Variants in P2RX7 observed in about 807,000 individuals in gnomAD.
The protein encoded by P2RX7 is purinergic receptor P2X 7.
Under a neutral mutation model 71.6 loss-of-function variants are expected in P2RX7, and 62 were observed. That is an observed-to-expected ratio of 0.87 (90% CI 0.71 to 1.07). The LOEUF (loss-of-function observed/expected upper bound fraction) is 1.07, where lower values mean the gene tolerates loss of function less well. Among genes scored for constraint, P2RX7 ranks in the 50% least tolerant of loss-of-function variants. The pLI is 0.00. For synonymous variants in P2RX7, 299 were observed against 283.3 expected (o/e 1.06, Z -0.56); for missense variants, 686 against 748.5 (o/e 0.92, Z 0.97).
chr12:121,180,480 T>G (rs927361718), intron 12 of P2RX7, 25 bp downstream of exon 12: 1 of 1,305,840 alleles, frequency 7.7e-7, no homozygotes, highest in Non-Finnish European at 1.1e-6. Flanking sequence ...TTTGTCTTTT[T>G]TTTTTTTTTA....
At chr12:121,157,856 T>C (rs1424013070) in intron 3 of P2RX7, among the ~76,000 whole-genome samples, 1 of 152,080 alleles carries the variant, frequency 6.6e-6, no homozygotes, top group African/African-American at 2.4e-5. Flanking sequence ...AACAAATGAG[T>C]GAATACCTGT....
chr12:121,157,922 T>G (rs563744372), intron 3 of P2RX7, among the ~76,000 whole-genome samples: 2 of 152,330 alleles, frequency 1.3e-5, no homozygotes, highest in Admixed American at 1.3e-4. Flanking sequence ...TGTCAGTTGT[T>G]ATGATTCAAA....
intron 3 of P2RX7, among the ~76,000 whole-genome samples, chr12:121,160,656 A>G (rs1258515819): frequency 7.2e-5 from 11 of 152,158 alleles, no homozygotes; most frequent in Non-Finnish European, 1.5e-5. Flanking sequence ...AGGTCCATCC[A>G]TGTTGTAGCC....
chr12:121,184,704 G>A lies in P2RX7; in HGVS notation c.1690G>A (p.Ala564Thr). The A allele has an allele frequency of 6.4e-7, 1 of 1,566,924 alleles. No homozygotes were observed. Residue 564 changes from alanine (A) to threonine (T), a missense_variant, in exon 13 of 13, where the codon GCT (alanine) becomes ACT (threonine). By Grantham distance (58) the Ala-to-Thr change is moderately conservative. Coordinates refer to ENST00000328963, the MANE Select transcript of P2RX7 (RefSeq NM_002562.6). ...ATWRFGSQDM[A>T]DFAILPSCCR... Reference sequence around the variant, plus strand: ...CTGGCGCTTCGGCTCCCAGGACATGGCTGACTTTGCCATCCTGCCCAGCTG... The same window carrying A: ...CTGGCGCTTCGGCTCCCAGGACATGACTGACTTTGCCATCCTGCCCAGCTG...
chr12:121,138,224 T>C (rs572635960), intron 1 of P2RX7, among the ~76,000 whole-genome samples: 2 of 152,370 alleles, frequency 1.3e-5, no homozygotes, highest in African/African-American at 4.8e-5. Flanking sequence ...GAGTTCAAAC[T>C]GTGTCATCAG....
chr12:121,159,085 T>C (rs779756611), intron 3 of P2RX7, among the ~76,000 whole-genome samples: 3 of 152,188 alleles, frequency 2.0e-5, no homozygotes, highest in Non-Finnish European at 4.4e-5. Context: ...GCTAAACCCT[T>C]TCTTTTCATA....
rs1878204299 is a variant in P2RX7 at position 121,154,725 on chromosome 12, C to T, written c.126-60C>T. The T allele has an allele frequency of 8.9e-7, 1 of 1,125,120 alleles. No individual in the cohort carries two copies. Among genetic ancestry groups the T allele is most frequent in the African/African-American group, 1.5e-5 (1 of 65,570 alleles). The allele number at this position is 1,125,120 out of a possible 1,614,324, so 69.7% of individuals were successfully genotyped here. On this transcript the variant is annotated intron_variant, in intron 1 of 12. Coordinates refer to ENST00000328963, the MANE Select transcript of P2RX7 (RefSeq NM_002562.6). The surrounding 1 kb of genome is among the most constrained non-coding windows in gnomAD (Gnocchi z 4.2). ...CAGAAGTGCCTGCATCCTCCAACGCCTGCATCCCAACCCGCTGTGCTATGC... is the reference window on the plus strand; with the variant it reads ...CAGAAGTGCCTGCATCCTCCAACGCTTGCATCCCAACCCGCTGTGCTATGC...
intron 1 of P2RX7, among the ~76,000 whole-genome samples, chr12:121,136,023 AATAT>A (rs1555222078): frequency 1.3e-4 from 2 of 15,256 alleles, no homozygotes; most frequent in East Asian, 3.9e-3. Flanking sequence ...AAAAAAAAAA[AATAT>A]ATATATATAT....
chr12:121,167,271 G>C (rs503720), intron 7 of P2RX7, among the ~76,000 whole-genome samples: 1 of 151,740 alleles, frequency 6.6e-6, no homozygotes, highest in Non-Finnish European at 1.5e-5. Context: ...TGAGTTTAAC[G>C]GTGATGTGTC....
At chr12:121,138,291 G>A (rs1423209816) in intron 1 of P2RX7, among the ~76,000 whole-genome samples, 1 of 152,188 alleles carries the variant, frequency 6.6e-6, no homozygotes, top group African/African-American at 2.4e-5. Context: ...CTTCCTTCTT[G>A]AACAACTCTG....
intron 3 of P2RX7, among the ~76,000 whole-genome samples, chr12:121,160,372 C>A (rs1459618385): frequency 6.6e-6 from 1 of 152,176 alleles, no homozygotes; most frequent in Middle Eastern, 3.2e-3. Flanking sequence ...GTCTCAGACT[C>A]CTGACCTCAG....
chr12:121,150,012 T>A (rs1162504137), intron 1 of P2RX7, among the ~76,000 whole-genome samples: 1 of 152,150 alleles, frequency 6.6e-6, no homozygotes, highest in East Asian at 1.9e-4. Flanking sequence ...TGGGGAAGGC[T>A]GGGAGTTCTC....
At chr12:121,155,314 C>T in intron 2 of P2RX7, 1 of 1,308,882 alleles carries the variant, frequency 7.6e-7, no homozygotes, top group Non-Finnish European at 1.0e-6. Context: ...CAAAGAGCAC[C>T]AGCCCTTCTA....
In P2RX7 at chr12:121,184,174, T is replaced by G. The variant is rs185666660; in HGVS notation, c.1291-131T>G. 1.1e-4 allele frequency: 130 copies of G among 1,132,698 alleles called. 1 individual carries two copies. The East Asian group carries it at 3.3e-3, about 29-fold the overall frequency. 70.2% of individuals were successfully genotyped at this position (1,132,698 alleles called of 1,614,324 possible). On this transcript the variant is annotated intron_variant, in intron 12 of 12. Coordinates refer to ENST00000328963, the MANE Select transcript of P2RX7 (RefSeq NM_002562.6). ...ACAGAACACATGCATGGTCCTGATA[T>G]CTACACCTAATAAATGACGGCTACT...
rs112146943 is a variant in P2RX7, at chr12:121,180,475, CTT to C, written c.1290+33_1290+34del. On this transcript the variant is annotated intron_variant, in intron 12 of 12. Coordinates refer to ENST00000328963, the MANE Select transcript of P2RX7 (RefSeq NM_002562.6). ...GTCCCAGTAAGTTAAATCATTTTGTCTTTTTTTTTTTTTTAAGAAAATTTACT... is the reference window on the plus strand; with the variant it reads ...GTCCCAGTAAGTTAAATCATTTTGTCTTTTTTTTTTTTAAGAAAATTTACT... 9.2e-3 allele frequency: 9,160 copies of C among 994,866 alleles called. No individual in the cohort carries two copies. The highest frequency in any genetic ancestry group is 0.014 in the South Asian group (828 of 60,886). The allele number at this position is 994,866 out of a possible 1,614,324, so 61.6% of individuals were successfully genotyped here.
intron 8 of P2RX7, among the ~76,000 whole-genome samples, chr12:121,171,447 C>T (rs1455505555): frequency 6.6e-6 from 1 of 150,846 alleles, no homozygotes; most frequent in Non-Finnish European, 1.5e-5. Flanking sequence ...TCACTGCAAC[C>T]TCTGCCTCCC....
chr12:121,138,352 A>C (rs147717291), intron 1 of P2RX7, among the ~76,000 whole-genome samples: 25 of 152,368 alleles, frequency 1.6e-4, no homozygotes, highest in African/African-American at 5.8e-4. Context: ...TCAGAGGAGC[A>C]AACAAGTCTT....
At chr12:121,167,459 A>G (rs1565963682) in intron 7 of P2RX7, 29 bp from the exon 8 acceptor site, 3 of 1,613,288 alleles carry the variant, frequency 1.9e-6, no homozygotes, top group African/African-American at 2.7e-5. Flanking sequence ...CCCAGCAGCC[A>G]TAGAGACTGT....
chr12:121,180,114 A>C (rs1283556742), intron 11 of P2RX7, among the ~76,000 whole-genome samples: 1 of 137,438 alleles, frequency 7.3e-6, no homozygotes, highest in Non-Finnish European at 1.5e-5. Context: ...ATGCCATTGC[A>C]CTCCAGCCTG....
Sources: allele counts gnomAD v4.1 joint callset (sites outside exome capture counted in the v4.1 genomes callset), GRCh38; gene constraint gnomAD v4.1.1; non-coding constraint Gnocchi (gnomAD v3.1); transcripts MANE v1.5; gene names NCBI Gene and HGNC (gene_info 2026-07-23, HGNC 2026-07-21).